Variants in EIF3H observed in about 807,000 individuals in gnomAD.
The protein encoded by EIF3H is eIF-3-gamma.
A neutral mutation model predicts 44.2 loss-of-function variants in EIF3H; 26 were observed. The ratio of observed to expected loss-of-function variants is 0.59; its 90% CI spans 0.43 to 0.82. The LOEUF (loss-of-function observed/expected upper bound fraction) is 0.82, where lower values mean the gene tolerates loss of function less well. Ranked by LOEUF, EIF3H falls within the 40% of genes least tolerant of loss-of-function variation. The pLI is 0.00. For missense variants in EIF3H, 359 were observed against 432.8 expected (o/e 0.83, Z 1.51); for synonymous variants, 166 against 151.9 (o/e 1.09, Z -0.68).
rs1285211155 is a variant in EIF3H, at chr8:116,693,950, T to C, written c.289+32066A>G. Among the ~76,000 whole-genome samples the C allele has an allele frequency of 2.0e-5, 3 of 152,260 alleles. No individual in the cohort carries two copies. The South Asian group carries it at 6.2e-4, about 32-fold the overall frequency. On this transcript the variant is annotated intron_variant, in intron 2 of 7. Coordinates refer to ENST00000521861, the MANE Select transcript of EIF3H (RefSeq NM_003756.3). ...CCCCAAAGTGCTAGGATGACAGGCATGAGCTGTCACACCTGGCCAGATGTA... is the reference window on the plus strand; with the variant it reads ...CCCCAAAGTGCTAGGATGACAGGCACGAGCTGTCACACCTGGCCAGATGTA...
chr8:116,651,633 A>T (rs755189789), intron 5 of EIF3H, among the ~76,000 whole-genome samples: 1 of 152,164 alleles, frequency 6.6e-6, no homozygotes, highest in Admixed American at 6.5e-5. Context: ...TGCTTCTTTC[A>T]TATTTATTTT....
At chr8:116,705,960 TA>T (rs535165423) in intron 2 of EIF3H, among the ~76,000 whole-genome samples, 89 of 141,366 alleles carry the variant, frequency 6.3e-4, no homozygotes, top group Middle Eastern at 3.7e-3. Context: ...AAAGTTTATT[TA>T]AAAAAAAAAA....
intron 2 of EIF3H, among the ~76,000 whole-genome samples, chr8:116,709,419 G>T (rs780605009): frequency 5.3e-5 from 8 of 152,170 alleles, no homozygotes; most frequent in Non-Finnish European, 1.2e-4. Flanking sequence ...AATTTCTATG[G>T]AGATAACAGA....
rs11547843 is a variant in EIF3H at position 116,646,496 on chromosome 8, G to A, written c.936C>T (p.Ala312=). 1 of 1,614,194 alleles carries A rather than the reference G, an allele frequency of 6.2e-7. No individual in the cohort carries two copies. Among genetic ancestry groups the A allele is most frequent in the Non-Finnish European group, 8.5e-7 (1 of 1,180,038 alleles). ...SKLFKPPQPP[A]RMDSLLIAGQ... ...CTGCAATGAGCAGCGAGTCCATCCT[G>A]GCAGGCGGCTGTGGTGGTTTGAAGA... Residue 312 remains alanine (A), a synonymous_variant, in exon 7 of 8, where the codon GCC becomes GCT. Coordinates refer to ENST00000521861, the MANE Select transcript of EIF3H (RefSeq NM_003756.3).
chr8:116,693,156 TG>T (rs148793861), intron 2 of EIF3H, among the ~76,000 whole-genome samples: 9,925 of 152,264 alleles, frequency 0.065, 408 homozygotes, highest in African/African-American at 0.11. Flanking sequence ...GGAATATATT[TG>T]GAAGTCAAAG....
chr8:116,764,912 T>C (rs369908404), intron 1 of EIF3H, among the ~76,000 whole-genome samples: 4 of 152,194 alleles, frequency 2.6e-5, no homozygotes, highest in African/African-American at 9.6e-5. Context: ...GTCATATACA[T>C]AGAGCTTGGG....
intron 1 of EIF3H, among the ~76,000 whole-genome samples, chr8:116,748,639 T>C (rs1006684250): frequency 2.0e-5 from 3 of 152,178 alleles, no homozygotes; most frequent in African/African-American, 7.2e-5. Context: ...AGAAATACTG[T>C]AGTGAACAAA....
intron 2 of EIF3H, among the ~76,000 whole-genome samples, chr8:116,674,067 C>CAAAAAAA (rs59899280): frequency 1.2e-4 from 6 of 49,660 alleles, no homozygotes; most frequent in African/African-American, 4.6e-4. Context: ...AAGACTGTCT[C>CAAAAAAA]AAAAAAAAAA....
At chr8:116,675,714 A>C (rs1210642664) in intron 2 of EIF3H, among the ~76,000 whole-genome samples, 2 of 152,272 alleles carry the variant, frequency 1.3e-5, no homozygotes, top group Non-Finnish European at 2.9e-5. Context: ...TTATAACACA[A>C]GGAGAATGAA....
intron 5 of EIF3H, among the ~76,000 whole-genome samples, chr8:116,654,011 C>T (rs1295773519): frequency 1.3e-5 from 2 of 152,190 alleles, no homozygotes; most frequent in African/African-American, 4.8e-5. Context: ...GCCATCATCA[C>T]ACAATTACTG....
chr8:116,674,872 G>T (rs1813819559), intron 2 of EIF3H, among the ~76,000 whole-genome samples: 1 of 152,054 alleles, frequency 6.6e-6, no homozygotes, highest in Admixed American at 6.5e-5. Context: ...ATTTCATAGA[G>T]TTCAGGTGCA....
At chr8:116,758,110 T>C (rs1332304909), upstream of EIF3H, among the ~76,000 whole-genome samples, 4 of 152,314 alleles carry the variant, frequency 2.6e-5, no homozygotes, top group East Asian at 1.9e-4. Flanking sequence ...ATAGGCTATC[T>C]ATAAGAAACT....
At chr8:116,728,057 C>T (rs1266843569) in intron 1 of EIF3H, among the ~76,000 whole-genome samples, 2 of 152,060 alleles carry the variant, frequency 1.3e-5, no homozygotes, top group Non-Finnish European at 2.9e-5. Context: ...CAACACATGG[C>T]TTTTTAGATT....
chr8:116,700,019 T>C (rs1374140386), intron 2 of EIF3H, among the ~76,000 whole-genome samples: 1 of 152,236 alleles, frequency 6.6e-6, no homozygotes, highest in African/African-American at 2.4e-5. Flanking sequence ...TTGGTCAGGA[T>C]GGTCTCAAAC....
At chr8:116,648,368 T>G (rs1247927224) in intron 6 of EIF3H, among the ~76,000 whole-genome samples, 1 of 152,236 alleles carries the variant, frequency 6.6e-6, no homozygotes, top group Non-Finnish European at 1.5e-5. Context: ...ACTATCTACT[T>G]CACAGCAGTT....
chr8:116,723,313 T>C lies in EIF3H; in HGVS notation c.289+2703A>G, dbSNP rs995793276. ...AAATATAATTAAGTACCCCCACATA[T>C]GTGCATGTATAGAGAAACAGAGGTA... On this transcript the variant is annotated intron_variant, in intron 2 of 7. Coordinates refer to ENST00000521861, the MANE Select transcript of EIF3H (RefSeq NM_003756.3). 2.6e-4 allele frequency among the ~76,000 whole-genome samples: 40 copies of C among 152,150 alleles called. 1 individual carries two copies. Among genetic ancestry groups the C allele is most frequent in the Non-Finnish European group, 1.5e-5 (1 of 68,026 alleles).
intron 2 of EIF3H, among the ~76,000 whole-genome samples, chr8:116,674,007 T>C (rs1480088645): frequency 1.5e-5 from 2 of 130,298 alleles, no homozygotes; most frequent in Non-Finnish European, 3.1e-5. Flanking sequence ...GAGGCGGAGC[T>C]TGCAGTGAGC....
intron 2 of EIF3H, among the ~76,000 whole-genome samples, chr8:116,707,418 C>T (rs1814489302): frequency 6.6e-6 from 1 of 152,172 alleles, no homozygotes; most frequent in African/African-American, 2.4e-5. Flanking sequence ...TATTCATCTG[C>T]TCTGTAATAC....
At chr8:116,657,386 GC>G (rs1813508828) in intron 3 of EIF3H, 72 bp from the exon 4 acceptor site, 1 of 1,131,608 alleles carries the variant, frequency 8.8e-7, no homozygotes, top group African/African-American at 1.5e-5. Context: ...TTGGTTCTAG[GC>G]ACATTCTGTT....
Sources: gnomAD v4.1 joint callset for allele counts (sites outside exome capture counted in the v4.1 genomes callset) on GRCh38, gnomAD v4.1.1 for gene constraint, MANE v1.5 for transcripts, NCBI Gene and HGNC (gene_info 2026-07-23, HGNC 2026-07-21) for gene names.